CADPS2: variants seen among roughly 807,000 people sequenced by gnomAD.
CADPS2 encodes the protein calcium dependent secretion activator 2.
In CADPS2, 93 loss-of-function variants were observed where a neutral mutation model predicts 172.5. That is an observed-to-expected ratio of 0.54 (90% CI 0.46 to 0.64). CADPS2 has a LOEUF of 0.64. CADPS2 is among the 30% of genes least tolerant of loss of function. CADPS2 has a pLI of 0.00. For synonymous variants in CADPS2, 546 were observed against 555.2 expected (o/e 0.98, Z 0.23); for missense variants, 1,420 against 1,565.9 (o/e 0.91, Z 1.57).
At chr7:122,490,536 C>A (rs1031093188) in intron 10 of CADPS2, among the ~76,000 whole-genome samples, 1 of 152,066 alleles carries the variant, frequency 6.6e-6, no homozygotes, top group Non-Finnish European at 1.5e-5. Flanking sequence ...TATCATTCTA[C>A]AAGACATATA....
At chr7:122,658,420 C>T (rs2080087787) in intron 3 of CADPS2, among the ~76,000 whole-genome samples, 1 of 152,182 alleles carries the variant, frequency 6.6e-6, no homozygotes, top group Admixed American at 6.5e-5. Context: ...AATCATGCTG[C>T]TATAAAGATA....
intron 2 of CADPS2, among the ~76,000 whole-genome samples, chr7:122,710,259 G>A (rs943141648): frequency 2.0e-5 from 3 of 151,932 alleles, no homozygotes; most frequent in African/African-American, 7.3e-5. Context: ...TTCTCCTTAC[G>A]TTTTTCCAAT....
chr7:122,447,031 CTTTTTTTTTTTTTT>C (rs71530096), intron 15 of CADPS2, among the ~76,000 whole-genome samples: 7 of 78,378 alleles, frequency 8.9e-5, no homozygotes, highest in African/African-American at 1.9e-4. Flanking sequence ...GTAGCTCCCT[CTTTTTTTTTTTTTT>C]TTTTTTTTTT....
intron 8 of CADPS2, among the ~76,000 whole-genome samples, chr7:122,538,359 T>G (rs1263612269): frequency 6.7e-6 from 1 of 148,502 alleles, no homozygotes; most frequent in African/African-American, 2.5e-5. Context: ...TAATTAGGTT[T>G]TTTGTTTTTT....
chr7:122,619,568 G>A (rs1235107970), intron 5 of CADPS2, among the ~76,000 whole-genome samples: 1 of 152,114 alleles, frequency 6.6e-6, no homozygotes, highest in Non-Finnish European at 1.5e-5. Context: ...TGGAGGTTGT[G>A]GTGAGCAGAG....
intron 1 of CADPS2, among the ~76,000 whole-genome samples, chr7:122,839,700 C>A (rs1211391130): frequency 6.6e-6 from 1 of 152,146 alleles, no homozygotes; most frequent in Non-Finnish European, 1.5e-5. Context: ...CACTGGTCAT[C>A]AGAGAAATGC....
At chr7:122,502,198 T>C (rs1049842784) in intron 9 of CADPS2, among the ~76,000 whole-genome samples, 4 of 152,130 alleles carry the variant, frequency 2.6e-5, no homozygotes, top group Admixed American at 2.6e-4. Flanking sequence ...TAAATCACCA[T>C]CATTTGTTTT....
chr7:122,759,223 C>T (rs181880718), intron 1 of CADPS2, among the ~76,000 whole-genome samples: 1 of 152,186 alleles, frequency 6.6e-6, no homozygotes, highest in African/African-American at 2.4e-5. Context: ...TCTTTCAGCA[C>T]CCACCTGAAA....
chr7:122,613,796 G>A (rs1215618105), intron 6 of CADPS2, among the ~76,000 whole-genome samples: 1 of 151,908 alleles, frequency 6.6e-6, no homozygotes, highest in South Asian at 2.1e-4. Flanking sequence ...GGTCACAAAA[G>A]TAAGTTTAGT....
intron 2 of CADPS2, among the ~76,000 whole-genome samples, chr7:122,729,450 T>G (rs2091430849): frequency 1.3e-5 from 2 of 151,800 alleles, no homozygotes; most frequent in African/African-American, 4.8e-5. Context: ...CCATACTGTT[T>G]TCTGTAGAGG....
At chr7:122,400,892 A>G (rs2045867509) in intron 20 of CADPS2, among the ~76,000 whole-genome samples, 1 of 152,226 alleles carries the variant, frequency 6.6e-6, no homozygotes, top group South Asian at 2.1e-4. Context: ...CCTAATATAC[A>G]ATATGGTGAC....
At chr7:122,572,611 A>T (rs894105890) in intron 7 of CADPS2, among the ~76,000 whole-genome samples, 5 of 152,272 alleles carry the variant, frequency 3.3e-5, no homozygotes, top group African/African-American at 1.2e-4. Context: ...ATACTACCCA[A>T]TATTTCACTG....
intron 12 of CADPS2, 75 bp downstream of exon 12, chr7:122,480,777 C>A: frequency 9.9e-7 from 1 of 1,007,360 alleles, no homozygotes; most frequent in Non-Finnish European, 1.4e-6. Flanking sequence ...TAAACAAGAT[C>A]ATGATATTCC....
At chr7:122,432,752 A>C (rs1340365167) in intron 17 of CADPS2, among the ~76,000 whole-genome samples, 2 of 151,984 alleles carry the variant, frequency 1.3e-5, no homozygotes, top group Admixed American at 1.3e-4. Flanking sequence ...ACTCTTTTCT[A>C]GAGGGTATAA....
Position 122,430,418 on chromosome 7 carries a change from C to A in CADPS2, c.2476+7923G>T, listed in dbSNP as rs549749298. ...TCTTGTCTGTGAGAAAGTCTTTGAA[C>A]CAAAGAACAAATTGATTCTTCTTTT... is the stretch of plus-strand genomic sequence containing the variant. On this transcript the variant is annotated intron_variant, in intron 17 of 29. Transcript: ENST00000449022. Among the ~76,000 whole-genome samples, 4 of 152,244 alleles carry A rather than the reference C, an allele frequency of 2.6e-5. No individual in the cohort carries two copies. In the South Asian group the frequency reaches 8.3e-4, roughly 32 times the overall value.
chr7:122,697,742 C>T (rs762473912), intron 2 of CADPS2: 5 of 1,428,754 alleles, frequency 3.5e-6, no homozygotes, highest in Non-Finnish European at 4.7e-6. Flanking sequence ...GTATTAGGAC[C>T]TGATTTCACA....
At chr7:122,740,926 T>C (rs1198168158) in intron 1 of CADPS2, among the ~76,000 whole-genome samples, 1 of 152,068 alleles carries the variant, frequency 6.6e-6, no homozygotes, top group Non-Finnish European at 1.5e-5. Context: ...AAATTAAAAC[T>C]GTATGAGAAG....
chr7:122,813,136 A>C (rs1331266175), intron 1 of CADPS2, among the ~76,000 whole-genome samples: 2 of 152,106 alleles, frequency 1.3e-5, no homozygotes, highest in East Asian at 3.8e-4. Context: ...AAGTTTTTAA[A>C]AAGTTGGTGT....
chr7:122,565,356 CA>C (rs2066322845), intron 7 of CADPS2, among the ~76,000 whole-genome samples: 1 of 152,026 alleles, frequency 6.6e-6, no homozygotes, highest in African/African-American at 2.4e-5. Flanking sequence ...GATACATTTT[CA>C]TATGCTCAAA....
Sources: allele counts gnomAD v4.1 joint callset (sites outside exome capture counted in the v4.1 genomes callset), GRCh38; gene constraint gnomAD v4.1.1; transcripts MANE v1.5; gene names NCBI Gene and HGNC (gene_info 2026-07-23, HGNC 2026-07-21).